The following ACTR5 variants were observed in gnomAD, a reference collection of about 807,000 sequenced individuals.
ACTR5 encodes the protein actin related protein 5.
Under a neutral mutation model 61.2 loss-of-function variants are expected in ACTR5, and 43 were observed. The observed-to-expected ratio is 0.70, with a 90% CI of 0.55 to 0.91. The LOEUF is 0.91. Among genes scored for constraint, ACTR5 ranks in the 40% least tolerant of loss-of-function variants. The pLI is 0.00. For missense variants in ACTR5, 798 were observed against 782.2 expected, an observed-to-expected ratio of 1.02 and a Z score of -0.24; for synonymous variants, 333 against 310.5, an observed-to-expected ratio of 1.07 and a Z score of -0.76.
rs1167958886 is a variant in ACTR5 at position 38,749,929 on chromosome 20, A to C, written c.376-81A>C. 3.2e-6 allele frequency: 4 copies of C among 1,247,866 alleles called. No individual in the cohort carries two copies. In the South Asian group the frequency reaches 5.8e-5, roughly 18 times the overall value. The allele number at this position is 1,247,866 out of a possible 1,614,324, so 77.3% of individuals were successfully genotyped here. A position where few individuals can be genotyped will look rare whatever the true frequency, so the allele number is the denominator to read the frequency against. On this transcript the variant is annotated intron_variant, in intron 1 of 8. Coordinates refer to ENST00000243903, the MANE Select transcript of ACTR5 (RefSeq NM_024855.4). ...AAGCCAAAAGCAAATTCAGTCCTGC[A>C]ATAAGGATTTTGGGTTCTTTTATGC...
At chr20:38,759,340 A>T (rs1470332701) in intron 5 of ACTR5, among the ~76,000 whole-genome samples, 1 of 152,218 alleles carries the variant, frequency 6.6e-6, no homozygotes, top group African/African-American at 2.4e-5. Context: ...TCTGAACGCC[A>T]CATAAGACAT....
intron 3 of ACTR5, among the ~76,000 whole-genome samples, chr20:38,753,393 A>C (rs897084398): frequency 6.6e-5 from 10 of 152,100 alleles, no homozygotes; most frequent in Non-Finnish European, 1.5e-4. Context: ...GATACACTCA[A>C]CAACTTGAAT....
chr20:38,752,663 C>G (rs886428585), intron 3 of ACTR5, among the ~76,000 whole-genome samples: 1 of 152,194 alleles, frequency 6.6e-6, no homozygotes, highest in Non-Finnish European at 1.5e-5. Context: ...AGAAACACCT[C>G]TTTTTCTTTT....
rs758329717 is a variant in ACTR5 at position 38,754,952 on chromosome 20, T to G, written c.776-5T>G. ...TTCATAACTTTCAAAATTGTTTCTT[T>G]GAAGAATTACACAAATGGCGGTGTC... On this transcript the variant is annotated splice_polypyrimidine_tract_variant and splice_region_variant and intron_variant, in intron 3 of 8. Coordinates refer to ENST00000243903, the MANE Select transcript of ACTR5 (RefSeq NM_024855.4). The G allele has an allele frequency of 6.2e-7, 1 of 1,612,864 alleles. No individual in the cohort carries two copies. The highest frequency in any genetic ancestry group is 1.1e-5 in the South Asian group (1 of 90,846).
intron 7 of ACTR5, 129 bp from the exon 8 acceptor site, chr20:38,767,335 G>GTT (rs1321161902): frequency 3.6e-5 from 29 of 810,726 alleles, no homozygotes; most frequent in Non-Finnish European, 4.6e-5. Flanking sequence ...TGAAAGTTTT[G>GTT]ATTTTTTTTT....
At chr20:38,748,936 G>T (rs2084369759) in intron 1 of ACTR5, 83 bp downstream of exon 1, 2 of 1,486,840 alleles carry the variant, frequency 1.3e-6, no homozygotes, top group Non-Finnish European at 9.0e-7. Context: ...TCTCGGAGAG[G>T]TAACAGTCAC....
At chr20:38,765,284 T>C in intron 5 of ACTR5, 118 bp from the exon 6 acceptor site, 1 of 732,168 alleles carries the variant, frequency 1.4e-6, no homozygotes, top group Non-Finnish European at 2.3e-6. Context: ...TTTTCATAGT[T>C]TTTATGTAAG....
chr20:38,760,540 A>G (rs778375131), intron 5 of ACTR5, among the ~76,000 whole-genome samples: 1 of 152,222 alleles, frequency 6.6e-6, no homozygotes, highest in Non-Finnish European at 1.5e-5. Context: ...CAAGGTGACA[A>G]GAGTAGCAGT....
intron 5 of ACTR5, among the ~76,000 whole-genome samples, chr20:38,758,405 G>A (rs2084433038): frequency 6.6e-6 from 1 of 152,204 alleles, no homozygotes; most frequent in South Asian, 2.1e-4. Context: ...CCAGCACTTT[G>A]GGAGGCCGAG....
chr20:38,770,974 A>G (rs1412348099), intron 8 of ACTR5, among the ~76,000 whole-genome samples: 1 of 152,198 alleles, frequency 6.6e-6, no homozygotes, highest in Non-Finnish European at 1.5e-5. Flanking sequence ...GCCCGATGGA[A>G]GCTGCAGTGT....
In ACTR5 at chr20:38,752,133, T is replaced by G; in HGVS notation, c.608T>G (p.Leu203Ter). Residue 203 changes from leucine to a stop codon, truncating the protein, a stop_gained and splice_region_variant, in exon 3 of 9, where the codon TTA (leucine) becomes TGA (stop). Transcript: ENST00000243903. LOFTEE classifies it high-confidence loss of function. ...TGTTTTCTACTGCTTGGTTATAGAT[T>G]AGATGCTAAAAACTGCAAGCGCATC... ...THVLPILEGR[L>*]DAKNCKRINL... The G allele has an allele frequency of 1.2e-6, 2 of 1,613,046 alleles. No individual in the cohort carries two copies. Among genetic ancestry groups the G allele is most frequent in the Non-Finnish European group, 1.7e-6 (2 of 1,179,268 alleles).
At position 38,765,504 on chromosome 20, in the gene ACTR5, G is replaced by A; in HGVS notation, c.1279G>A (p.Val427Ile). 1.9e-6 allele frequency: 3 copies of A among 1,613,830 alleles called. No homozygotes were observed. The highest frequency in any genetic ancestry group is 1.6e-4 in the Middle Eastern group (1 of 6,062). The change falls in exon 6 of 9, where the codon GTC becomes ATC. Residue 427 changes from valine (V) to isoleucine (I), a missense_variant. By Grantham distance (29) the Val-to-Ile change is conservative. Coordinates refer to ENST00000243903, the MANE Select transcript of ACTR5 (RefSeq NM_024855.4). ...GGAAACACCTGGAGTGGAGAAGCCG[G>A]TCACCACTGTTCAGGTTTGACTTCT... ...SEETPGVEKP[V>I]TTVQPVFNLA...
At chr20:38,750,817 G>GA (rs897778411) in intron 2 of ACTR5, among the ~76,000 whole-genome samples, 4 of 151,986 alleles carry the variant, frequency 2.6e-5, no homozygotes, top group Non-Finnish European at 5.9e-5. Context: ...TTTTTAGTGA[G>GA]ACAGGGTTTC....
Position 38,750,120 on chromosome 20 carries a change from C to G in ACTR5, c.486C>G (p.Ala162=). The change falls in exon 2 of 9, where the codon GCC becomes GCG. Residue 162 remains alanine, a synonymous_variant. Coordinates refer to ENST00000243903, the MANE Select transcript of ACTR5 (RefSeq NM_024855.4). ...AGTGCTACGGGATTCCCAAGGTTGC[C>G]TATGGAATAGACAGCCTCTTCAGCT... ...LFECYGIPKV[A]YGIDSLFSFY... is the part of the protein sequence containing the mutation. 6.2e-7 allele frequency: 1 copy of G among 1,614,148 alleles called. No homozygotes were observed. Among genetic ancestry groups the G allele is most frequent in the Non-Finnish European group, 8.5e-7 (1 of 1,180,034 alleles).
chr20:38,748,915 G>T, intron 1 of ACTR5, 62 bp downstream of exon 1: 1 of 1,524,396 alleles, frequency 6.6e-7, no homozygotes, highest in South Asian at 1.3e-5. Flanking sequence ...TCTCGTCTCC[G>T]CTCACTCTGC....
At chr20:38,755,206 C>A in intron 4 of ACTR5, 32 bp downstream of exon 4, 1 of 1,530,238 alleles carries the variant, frequency 6.5e-7, no homozygotes, top group South Asian at 1.2e-5. Flanking sequence ...GGCGCCCTTC[C>A]GTGTTAACAA....
intron 2 of ACTR5, 24 bp from the exon 3 acceptor site, chr20:38,752,107 C>G: frequency 6.3e-7 from 1 of 1,599,750 alleles, no homozygotes; most frequent in African/African-American, 1.3e-5. Flanking sequence ...AATTTCAGTG[C>G]TGTTTTCTAC....
intron 8 of ACTR5, among the ~76,000 whole-genome samples, chr20:38,767,984 G>A (rs1012199927): frequency 9.2e-5 from 14 of 152,178 alleles, no homozygotes; most frequent in African/African-American, 3.1e-4. Context: ...GTGGCTGAGT[G>A]TTGCTGGAGC....
chr20:38,750,671 G>C (rs184614853), intron 2 of ACTR5, among the ~76,000 whole-genome samples: 1 of 151,484 alleles, frequency 6.6e-6, no homozygotes, highest in Admixed American at 6.6e-5. Flanking sequence ...TTGCTCTGTT[G>C]CCCAGGCTGG....
Sources: gnomAD v4.1 joint callset for allele counts (sites outside exome capture counted in the v4.1 genomes callset) on GRCh38, gnomAD v4.1.1 for gene constraint, MANE v1.5 for transcripts, NCBI Gene and HGNC (gene_info 2026-07-23, HGNC 2026-07-21) for gene names.